TMEM248: variants seen among roughly 807,000 people sequenced by gnomAD.
TMEM248 encodes the protein transmembrane protein 248, also known as UPF0458 protein C7orf42.
In TMEM248, 9 loss-of-function variants were observed where a neutral mutation model predicts 30.3. The observed-to-expected ratio is 0.30, with a 90% confidence interval of 0.18 to 0.52. The LOEUF is 0.52. Ranked by LOEUF, TMEM248 falls within the 20% of genes least tolerant of loss-of-function variation. The probability of loss-of-function intolerance (pLI) is 0.97; values close to 1 mark genes in which losing one functional copy is unlikely to be tolerated. For synonymous variants in TMEM248, 184 were observed against 154.4 expected, an observed-to-expected ratio of 1.19 and a Z score of -1.42; for missense variants, 338 against 403.3, an observed-to-expected ratio of 0.84 and a Z score of 1.39.
intron 1 of TMEM248, chr7:66,922,141 A>G (rs536810444): frequency 1.3e-5 from 2 of 152,376 alleles, no homozygotes; most frequent in African/African-American, 2.4e-5. Flanking sequence ...TTAGTTCTCA[A>G]CTAGCAGGTG....
chr7:66,941,935 A>G lies in TMEM248; in HGVS notation c.70A>G (p.Met24Val). ...CAGTCGGCCTCCCCTGGTGGTCTTC[A>G]TGATCAGCGTAAGCGCCATGGCCAT... ...ISSRPPLVVF[M>V]ISVSAMAIAF... The change falls in exon 2 of 7, where the codon ATG (methionine) becomes GTG (valine). Residue 24 changes from methionine to valine, a missense_variant. Transcript: ENST00000341567. 3 of 1,614,144 alleles carry G rather than the reference A, an allele frequency of 1.9e-6. No individual in the cohort carries two copies. Among genetic ancestry groups the G allele is most frequent in the Non-Finnish European group, 2.5e-6 (3 of 1,180,030 alleles).
intron 5 of TMEM248, among the ~76,000 whole-genome samples, chr7:66,952,936 C>G (rs1027754167): frequency 6.6e-6 from 1 of 152,100 alleles, no homozygotes; most frequent in African/African-American, 2.4e-5. Context: ...GGGAGGAAGC[C>G]TGCTGGAGGG....
rs566970145 is a variant in TMEM248, at chr7:66,940,577, A to G, written c.-18-1271A>G. 3.3e-5 allele frequency among the ~76,000 whole-genome samples: 5 copies of G among 152,330 alleles called. No individual in the cohort carries two copies. The South Asian group carries it at 8.3e-4, about 25-fold the overall frequency. On this transcript the variant is annotated intron_variant, in intron 1 of 6. Transcript: ENST00000341567. Reference sequence around the variant, plus strand: ...AGCTGATTTCCTTGCAGACATTGACAAGATGATCCTGAAGAATAGCAAGTC... The same window carrying G: ...AGCTGATTTCCTTGCAGACATTGACGAGATGATCCTGAAGAATAGCAAGTC...
At chr7:66,924,421 T>C (rs1482968071) in intron 1 of TMEM248, among the ~76,000 whole-genome samples, 1 of 152,198 alleles carries the variant, frequency 6.6e-6, no homozygotes, top group African/African-American at 2.4e-5. Flanking sequence ...TATATATTTT[T>C]TGAGACAGAG....
At chr7:66,950,554 A>T (rs1295959155) in intron 4 of TMEM248, among the ~76,000 whole-genome samples, 1 of 152,170 alleles carries the variant, frequency 6.6e-6, no homozygotes, top group Non-Finnish European at 1.5e-5. Context: ...TTCCTTTATA[A>T]ATAACCCAGT....
chr7:66,936,165 A>T (rs1430436210), intron 1 of TMEM248, among the ~76,000 whole-genome samples: 2 of 152,154 alleles, frequency 1.3e-5, no homozygotes, highest in African/African-American at 2.4e-5. Context: ...TCAGTTTTTC[A>T]CCATTCAGTG....
chr7:66,952,116 G>A (rs769190883), intron 5 of TMEM248, among the ~76,000 whole-genome samples: 2 of 150,138 alleles, frequency 1.3e-5, no homozygotes, highest in Admixed American at 6.7e-5. Context: ...TTGAGATTGA[G>A]TCTTTCTCTG....
In TMEM248 at chr7:66,926,251, G is replaced by A. The variant is rs111237185; in HGVS notation, c.-19+4790G>A. On this transcript the variant is annotated intron_variant, in intron 1 of 6. Transcript: ENST00000341567. ...TGGAGAAGCTACTTGCAAACCATACGTCTGAAAAGGGGTTAATATCCAAAA... is the reference window on the plus strand; with the variant it reads ...TGGAGAAGCTACTTGCAAACCATACATCTGAAAAGGGGTTAATATCCAAAA... Among the ~76,000 whole-genome samples the A allele has an allele frequency of 3.1e-4, 47 of 152,212 alleles. 1 individual carries two copies. The highest frequency in any genetic ancestry group is 2.5e-3 in the South Asian group (12 of 4,820).
intron 1 of TMEM248, among the ~76,000 whole-genome samples, chr7:66,926,158 G>C (rs1476030745): frequency 1.3e-5 from 2 of 152,084 alleles, no homozygotes; most frequent in East Asian, 3.8e-4. Context: ...TATATCTGTT[G>C]GCCATTTGTC....
At position 66,929,426 on chromosome 7, in the gene TMEM248, A is replaced by ATTTTTTTTTTTT. The variant is rs35126436; in HGVS notation, c.-19+7982_-19+7993dup. On this transcript the variant is annotated intron_variant, in intron 1 of 6. Coordinates refer to ENST00000341567, the MANE Select transcript of TMEM248 (RefSeq NM_017994.5). ...ACAATATCATGGAAATGAGAGACAA[A>ATTTTTTTTTTTT]TTTTTTTTTTTTTTTTTTTTTTTTT... 9.1e-4 allele frequency among the ~76,000 whole-genome samples: 89 copies of ATTTTTTTTTTTT among 97,670 alleles called. 6 individuals carry two copies. Among genetic ancestry groups the ATTTTTTTTTTTT allele is most frequent in the East Asian group, 4.1e-3 (11 of 2,714 alleles). 64.1% of individuals were successfully genotyped at this position (97,670 alleles called of 152,430 possible).
chr7:66,935,409 C>G (rs1791775754), intron 1 of TMEM248, among the ~76,000 whole-genome samples: 1 of 152,200 alleles, frequency 6.6e-6, no homozygotes, highest in Non-Finnish European at 1.5e-5. Flanking sequence ...CCTCAAACTC[C>G]TGACCTCAGG....
chr7:66,955,550 G>C lies in TMEM248; in HGVS notation c.*28G>C, dbSNP rs199710120. The C allele has an allele frequency of 2.5e-6, 4 of 1,613,926 alleles. No homozygotes were observed. In the East Asian group the frequency reaches 8.9e-5, roughly 36 times the overall value. On this transcript the variant is annotated 3_prime_UTR_variant, in exon 7 of 7. Coordinates refer to ENST00000341567, the MANE Select transcript of TMEM248 (RefSeq NM_017994.5). ...CCACAGCTCCTTGTTTTTTGAGAGA[G>C]ACTGAGAGAACCATAATCCTTGCCT...
intron 3 of TMEM248, among the ~76,000 whole-genome samples, chr7:66,946,331 A>C (rs1181480816): frequency 6.6e-6 from 1 of 152,168 alleles, no homozygotes; most frequent in Non-Finnish European, 1.5e-5. Context: ...TAATCCCAGC[A>C]CTTTGGGAGG....
At chr7:66,923,006 A>G (rs767242464) in intron 1 of TMEM248, among the ~76,000 whole-genome samples, 1 of 151,952 alleles carries the variant, frequency 6.6e-6, no homozygotes, top group African/African-American at 2.4e-5. Flanking sequence ...CGCACCTGGC[A>G]TAAGTGCGAA....
intron 4 of TMEM248, among the ~76,000 whole-genome samples, chr7:66,949,269 C>T (rs1792198579): frequency 6.6e-6 from 1 of 151,992 alleles, no homozygotes; most frequent in Non-Finnish European, 1.5e-5. Flanking sequence ...GGCAGATCAC[C>T]TGAGGTCAGG....
chr7:66,922,633 C>T (rs1791414604), intron 1 of TMEM248, among the ~76,000 whole-genome samples: 1 of 152,084 alleles, frequency 6.6e-6, no homozygotes, highest in South Asian at 2.1e-4. Flanking sequence ...CTAAAATCAC[C>T]AAAGGCTAGT....
intron 1 of TMEM248, among the ~76,000 whole-genome samples, chr7:66,930,349 C>T (rs563003773): frequency 3.3e-5 from 5 of 152,220 alleles, no homozygotes; most frequent in South Asian, 4.1e-4. Flanking sequence ...CATGAATGAG[C>T]GTGTCCCCCT....
intron 3 of TMEM248, among the ~76,000 whole-genome samples, chr7:66,947,612 G>A (rs1226888768): frequency 6.6e-6 from 1 of 151,930 alleles, no homozygotes; most frequent in Non-Finnish European, 1.5e-5. Context: ...ATGTTGGCCA[G>A]GCTGGTCTTG....
At chr7:66,938,376 A>G (rs1239116538) in intron 1 of TMEM248, among the ~76,000 whole-genome samples, 1 of 152,174 alleles carries the variant, frequency 6.6e-6, no homozygotes, top group African/African-American at 2.4e-5. Flanking sequence ...TTGAAAATTG[A>G]TAGTGAGGGT....
Sources: gnomAD v4.1 joint callset for allele counts (sites outside exome capture counted in the v4.1 genomes callset) on GRCh38, gnomAD v4.1.1 for gene constraint, MANE v1.5 for transcripts, NCBI Gene and HGNC (gene_info 2026-07-23, HGNC 2026-07-21) for gene names.